SGPL1: variants seen among roughly 807,000 people sequenced by gnomAD.
SGPL1 encodes sphingosine-1-phosphate lyase 1, also known as SP-lyase 1.
A neutral mutation model predicts 68.9 loss-of-function variants in SGPL1; 37 were observed. The observed-to-expected ratio is 0.54, with a 90% confidence interval of 0.41 to 0.71. SGPL1 has a LOEUF of 0.71. Among genes scored for constraint, SGPL1 ranks in the 30% least tolerant of loss-of-function variants. The pLI, the probability that SGPL1 is intolerant of heterozygous loss-of-function variation, is 0.00. For missense variants in SGPL1, 551 were observed against 704.6 expected (o/e 0.78, Z 2.47); for synonymous variants, 236 against 248.5 (o/e 0.95, Z 0.47).
At chr10:70,866,095 T>C (rs540226932) in intron 7 of SGPL1, among the ~76,000 whole-genome samples, 1 of 152,190 alleles carries the variant, frequency 6.6e-6, no homozygotes, top group East Asian at 1.9e-4. Context: ...ATATTAAAAG[T>C]AGAACTTAGG....
chr10:70,825,365 G>A (rs1226939021), intron 2 of SGPL1, among the ~76,000 whole-genome samples: 1 of 152,188 alleles, frequency 6.6e-6, no homozygotes, highest in Non-Finnish European at 1.5e-5. Flanking sequence ...GCACATAGCC[G>A]AGCTGGAAAA....
At position 70,876,657 on chromosome 10, in the gene SGPL1, G is replaced by C; in HGVS notation, c.1562G>C (p.Gly521Ala). Reference protein sequence around the residue: ...IMKNPKAKTTGMGAIYGMAQT... With the variant: ...IMKNPKAKTTAMGAIYGMAQT... ...AAGAATCCTAAAGCGAAGACCACAG[G>C]AATGGTAGGGACACTTGGAGTTTTT... Residue 521 changes from glycine (G) to alanine (A), a missense_variant, in exon 14 of 15, where the codon GGA becomes GCA. Physicochemically the swap from Gly to Ala is moderately conservative, Grantham distance 60. Transcript: ENST00000373202. 6.2e-7 allele frequency: 1 copy of C among 1,610,394 alleles called. No homozygotes were observed. The highest frequency in any genetic ancestry group is 8.5e-7 in the Non-Finnish European group (1 of 1,178,932).
chr10:70,856,161 A>AT (rs1326138798), intron 5 of SGPL1, among the ~76,000 whole-genome samples: 1 of 151,854 alleles, frequency 6.6e-6, no homozygotes, highest in East Asian at 1.9e-4. Flanking sequence ...TACCCAGCTA[A>AT]TTTTTTGTGT....
At chr10:70,824,972 T>TTTA (rs949988379) in intron 2 of SGPL1, among the ~76,000 whole-genome samples, 1 of 150,824 alleles carries the variant, frequency 6.6e-6, no homozygotes, top group Non-Finnish European at 1.5e-5. Context: ...TTTTCTCTTT[T>TTTA]TTTTTTTTTT....
rs200240666 is a variant in SGPL1 at position 70,873,390 on chromosome 10, A to T, written c.1099A>T (p.Ser367Cys). The part of the protein sequence containing the change: ...APKGSSLVLY[S>C]DKKYRNYQFF... Reference sequence around the variant, plus strand: ...AAAAGGCTCATCATTGGTGTTGTATAGTGACAAGAAGTACAGGAACTATCA... The same window carrying T: ...AAAAGGCTCATCATTGGTGTTGTATTGTGACAAGAAGTACAGGAACTATCA... Residue 367 changes from serine (S) to cysteine (C), a missense_variant, in exon 12 of 15, where the codon AGT (serine) becomes TGT (cysteine). By Grantham distance (112) the Ser-to-Cys change is moderately radical. Coordinates refer to ENST00000373202, the MANE Select transcript of SGPL1 (RefSeq NM_003901.4). 4 of 1,614,236 alleles carry T rather than the reference A, an allele frequency of 2.5e-6. No homozygotes were observed. The East Asian group carries it at 8.9e-5, about 36-fold the overall frequency.
intron 3 of SGPL1, among the ~76,000 whole-genome samples, chr10:70,850,092 A>G (rs990153186): frequency 2.6e-5 from 4 of 152,210 alleles, no homozygotes; most frequent in African/African-American, 9.6e-5. Context: ...CCATGTATTT[A>G]TGATTATTAT....
At chr10:70,851,276 C>T (rs376961200) in intron 4 of SGPL1, 66 bp downstream of exon 4, 23 of 1,310,892 alleles carry the variant, frequency 1.8e-5, no homozygotes, top group Non-Finnish European at 2.5e-5. Context: ...TTTCTATTTA[C>T]TAAACCTAAT....
chr10:70,869,768 A>T (rs1846258582), intron 8 of SGPL1, 24 bp from the exon 9 acceptor site: 17 of 1,592,352 alleles, frequency 1.1e-5, no homozygotes, highest in Non-Finnish European at 1.5e-5. Context: ...GAGTTACATT[A>T]TTCTCCTCTT....
intron 9 of SGPL1, 37 bp downstream of exon 9, chr10:70,869,934 C>T: frequency 1.3e-6 from 2 of 1,554,042 alleles, no homozygotes; most frequent in Non-Finnish European, 1.8e-6. Flanking sequence ...CTGTGCTGGG[C>T]CCTGACAGCA....
Position 70,873,336 on chromosome 10 carries a change from C to A in SGPL1, c.1060-15C>A. The A allele has an allele frequency of 1.3e-6, 2 of 1,589,736 alleles. No individual in the cohort carries two copies. The highest frequency in any genetic ancestry group is 1.7e-6 in the Non-Finnish European group (2 of 1,157,758). On this transcript the variant is annotated splice_polypyrimidine_tract_variant and intron_variant, in intron 11 of 14. Transcript: ENST00000373202. Reference sequence around the variant, plus strand: ...ACTATACTCTCACTTTTCTTGTCTGCTACTTCTTCCACAGTATGGCTATGC... The same window carrying A: ...ACTATACTCTCACTTTTCTTGTCTGATACTTCTTCCACAGTATGGCTATGC...
chr10:70,875,412 A>G lies in SGPL1; in HGVS notation c.1309A>G (p.Ile437Val), dbSNP rs774123975. The change falls in exon 13 of 15, where the codon ATC (isoleucine) becomes GTC (valine). Residue 437 changes from isoleucine to valine, a missense_variant. Physicochemically the swap from Ile to Val is conservative, Grantham distance 29. Coordinates refer to ENST00000373202, the MANE Select transcript of SGPL1 (RefSeq NM_003901.4). Reference sequence around the variant, plus strand: ...TTTTTTTGTTTTAAGACTGGAAAATATCAAAGGCATCTTTGTTTTTGGGAA... The same window carrying G: ...TTTTTTTGTTTTAAGACTGGAAAATGTCAAAGGCATCTTTGTTTTTGGGAA... ...ARFLKSELEN[I>V]KGIFVFGNPQ... is the part of the protein sequence containing the mutation. 1 of 1,609,740 alleles carries G rather than the reference A, an allele frequency of 6.2e-7. No homozygotes were observed. Among genetic ancestry groups the G allele is most frequent in the Non-Finnish European group, 8.5e-7 (1 of 1,176,622 alleles).
intron 3 of SGPL1, among the ~76,000 whole-genome samples, chr10:70,847,782 T>C (rs1277801327): frequency 6.6e-6 from 1 of 152,350 alleles, no homozygotes; most frequent in Admixed American, 6.5e-5. Context: ...ATATTCATTT[T>C]TTTTAGCACT....
chr10:70,833,264 A>G (rs1470572811), intron 2 of SGPL1, among the ~76,000 whole-genome samples: 1 of 152,248 alleles, frequency 6.6e-6, no homozygotes, highest in Non-Finnish European at 1.5e-5. Flanking sequence ...TGGCAAGGCC[A>G]GGCTAGAAGG....
In SGPL1 at chr10:70,868,356, G is replaced by C; in HGVS notation, c.627G>C (p.Gly209=). 1 of 1,611,488 alleles carries C rather than the reference G, an allele frequency of 6.2e-7. No homozygotes were observed. The highest frequency in any genetic ancestry group is 8.5e-7 in the Non-Finnish European group (1 of 1,178,734). The stretch of plus-strand genomic sequence containing the variant: ...CTTCTTTATTATAGGTGACTTCTGG[G>C]GGAACAGAAAGCATACTGATGGCCT... ...GPDSCGCVTS[G]GTESILMACK... is the part of the protein sequence containing the mutation. The change falls in exon 8 of 15, where the codon GGG becomes GGC. Residue 209 remains glycine, a synonymous_variant. Transcript: ENST00000373202.
chr10:70,828,824 C>T (rs953579562), intron 2 of SGPL1, among the ~76,000 whole-genome samples: 4 of 152,046 alleles, frequency 2.6e-5, no homozygotes, highest in African/African-American at 7.2e-5. Context: ...CTTTTGAATT[C>T]GTTTTGACAG....
chr10:70,865,089 C>T (rs1035146095), intron 7 of SGPL1, among the ~76,000 whole-genome samples: 1 of 152,244 alleles, frequency 6.6e-6, no homozygotes, highest in Non-Finnish European at 1.5e-5. Context: ...CCTCAGCTTG[C>T]CTCTGCAGAT....
rs1308049393 is a variant in SGPL1 at position 70,873,459 on chromosome 10, C to T, written c.1168C>T (p.Pro390Ser). 1.2e-6 allele frequency: 2 copies of T among 1,614,154 alleles called. No individual in the cohort carries two copies. Among genetic ancestry groups the T allele is most frequent in the Non-Finnish European group, 1.7e-6 (2 of 1,180,052 alleles). Residue 390 changes from proline to serine, a missense_variant, in exon 12 of 15, where the codon CCA becomes TCA. By Grantham distance (74) the Pro-to-Ser change is moderately conservative (BLOSUM62 -1). Coordinates refer to ENST00000373202, the MANE Select transcript of SGPL1 (RefSeq NM_003901.4). Reference sequence around the variant, plus strand: ...TTGGCAGGGTGGCATCTATGCTTCCCCAACCATCGCAGGCTCACGGCCTGG... The same window carrying T: ...TTGGCAGGGTGGCATCTATGCTTCCTCAACCATCGCAGGCTCACGGCCTGG... ...TDWQGGIYAS[P>S]TIAGSRPGGI...
At chr10:70,841,377 A>G (rs1034334876) in intron 2 of SGPL1, among the ~76,000 whole-genome samples, 2 of 152,194 alleles carry the variant, frequency 1.3e-5, no homozygotes, top group African/African-American at 4.8e-5. Flanking sequence ...GTGGCATATA[A>G]ACAAAAGTCC....
chr10:70,844,733 G>GT (rs1039346200), intron 3 of SGPL1, 95 bp downstream of exon 3: 5 of 1,213,584 alleles, frequency 4.1e-6, no homozygotes, highest in Admixed American at 2.1e-5. Flanking sequence ...CCTTTTGGTT[G>GT]TTTTTTTGTT....
Sources: allele counts gnomAD v4.1 joint callset (sites outside exome capture counted in the v4.1 genomes callset), GRCh38; gene constraint gnomAD v4.1.1; transcripts MANE v1.5; gene names NCBI Gene and HGNC (gene_info 2026-07-23, HGNC 2026-07-21).